Variants in NRXN1 observed in about 807,000 individuals in gnomAD.
NRXN1 encodes neurexin-1.
Under a neutral mutation model 150.9 loss-of-function variants are expected in NRXN1, and 39 were observed. The observed-to-expected ratio is 0.26, with a 90% CI of 0.20 to 0.34. The LOEUF (loss-of-function observed/expected upper bound fraction) is 0.34. NRXN1 is among the 10% of genes least tolerant of loss of function. NRXN1 has a pLI of 1.00. For missense variants in NRXN1, 1,815 were observed against 1,949.9 expected (o/e 0.93, Z 1.30); for synonymous variants, 924 against 757.0 (o/e 1.22, Z -3.62).
At chr2:50,250,309 G>A (rs2152897178) in intron 17 of NRXN1, among the ~76,000 whole-genome samples, 1 of 152,218 alleles carries the variant, frequency 6.6e-6, no homozygotes, top group East Asian at 1.9e-4. Context: ...ATTTAATATG[G>A]CTCTGAAAAG....
intron 17 of NRXN1, among the ~76,000 whole-genome samples, chr2:50,380,603 G>T (rs1321164772): frequency 6.6e-6 from 1 of 152,030 alleles, no homozygotes; most frequent in African/African-American, 2.4e-5. Context: ...AAAATACCTA[G>T]CCACTAGGGA....
intron 5 of NRXN1, among the ~76,000 whole-genome samples, chr2:50,624,319 C>G (rs2104307763): frequency 6.6e-6 from 1 of 152,140 alleles, no homozygotes; most frequent in South Asian, 2.1e-4. Context: ...GAGCTCTGAT[C>G]AGAGAAAGTA....
At chr2:49,967,811 T>A (rs564988518) in intron 21 of NRXN1, among the ~76,000 whole-genome samples, 92 of 152,148 alleles carry the variant, frequency 6.0e-4, no homozygotes, top group African/African-American at 2.2e-3. Context: ...TAGAAAACAC[T>A]TGTTGCAGTG....
intron 21 of NRXN1, among the ~76,000 whole-genome samples, chr2:49,957,067 T>C (rs1316024040): frequency 6.6e-6 from 1 of 152,094 alleles, no homozygotes; most frequent in Admixed American, 6.6e-5. Flanking sequence ...TGAACTTCAA[T>C]GTGTAACAAA....
chr2:50,823,079 C>T (rs1317456008), intron 5 of NRXN1, among the ~76,000 whole-genome samples: 2 of 152,108 alleles, frequency 1.3e-5, no homozygotes, highest in African/African-American at 4.8e-5. Flanking sequence ...ACCTGGGCAC[C>T]ATTACGATTC....
At chr2:50,313,834 G>A (rs900605202) in intron 17 of NRXN1, among the ~76,000 whole-genome samples, 11 of 152,066 alleles carry the variant, frequency 7.2e-5, no homozygotes, top group Admixed American at 5.2e-4. Flanking sequence ...GTGTTTTCAT[G>A]ATTTTACTTG....
chr2:50,879,675 C>A (rs557735350), intron 5 of NRXN1, among the ~76,000 whole-genome samples: 1 of 151,814 alleles, frequency 6.6e-6, no homozygotes, highest in Non-Finnish European at 1.5e-5. Context: ...TTCTCAGTTT[C>A]GCCTGTGGTC....
At chr2:50,746,387 A>G (rs781582481) in intron 5 of NRXN1, among the ~76,000 whole-genome samples, 12 of 151,906 alleles carry the variant, frequency 7.9e-5, no homozygotes, top group Non-Finnish European at 1.3e-4. Context: ...ATGAAACCTC[A>G]TATCTACAAA....
intron 18 of NRXN1, among the ~76,000 whole-genome samples, chr2:50,127,384 A>G (rs1425254937): frequency 1.3e-5 from 2 of 152,190 alleles, no homozygotes; most frequent in African/African-American, 4.8e-5. Context: ...AAAACCTGAT[A>G]AAAAGAATGC....
At chr2:50,919,008 G>C (rs1272897779) in intron 5 of NRXN1, 1 of 109,018 alleles carries the variant, frequency 9.2e-6, no homozygotes, top group Non-Finnish European at 2.5e-5. Flanking sequence ...ACATATCTTT[G>C]TTTAGGAATG....
At chr2:51,027,417 G>A (rs1670679796) in intron 2 of NRXN1, 85 bp downstream of exon 2, 5 of 1,363,774 alleles carry the variant, frequency 3.7e-6, no homozygotes, top group Non-Finnish European at 4.8e-6. Context: ...GCCAAGATTA[G>A]GAAGACCCCA....
At chr2:50,532,157 T>C (rs2105214571) in intron 10 of NRXN1, among the ~76,000 whole-genome samples, 1 of 152,238 alleles carries the variant, frequency 6.6e-6, no homozygotes, top group South Asian at 2.1e-4. Context: ...TGCATGTTTA[T>C]GTATGGTAAG....
intron 5 of NRXN1, among the ~76,000 whole-genome samples, chr2:50,739,088 C>T (rs1405267779): frequency 6.6e-6 from 1 of 152,146 alleles, no homozygotes; most frequent in African/African-American, 2.4e-5. Flanking sequence ...CTAGACTCCA[C>T]ATTTTTGAGT....
Position 50,623,506 on chromosome 2 carries a change from G to C in NRXN1, c.942C>G (p.Thr314=), listed in dbSNP as rs773597105. 1 of 1,613,300 alleles carries C rather than the reference G, an allele frequency of 6.2e-7. No individual in the cohort carries two copies. The highest frequency in any genetic ancestry group is 8.5e-7 in the Non-Finnish European group (1 of 1,179,418). Residue 314 remains threonine (T), a synonymous_variant, in exon 6 of 23, where the codon ACC becomes ACG. Coordinates refer to ENST00000401669, the MANE Select transcript of NRXN1 (RefSeq NM_001330078.2). ...GAAGCATCAGTCCATTCCTCTGAAG[G>C]GTTTTAAATGACAGAGTTATTTCAT... ...SSDEITLSFK[T]LQRNGLMLHT...
At chr2:50,383,948 C>T (rs1195802028) in intron 17 of NRXN1, among the ~76,000 whole-genome samples, 1 of 152,140 alleles carries the variant, frequency 6.6e-6, no homozygotes, top group African/African-American at 2.4e-5. Context: ...GTTCAACTTA[C>T]CCCGTTTATA....
intron 18 of NRXN1, among the ~76,000 whole-genome samples, chr2:50,146,986 C>T (rs1055240904): frequency 1.2e-4 from 18 of 151,696 alleles, no homozygotes; most frequent in African/African-American, 4.1e-4. Context: ...TTAGACCCTA[C>T]ATAAATAATT....
chr2:50,360,137 CCAGTCACTG>C (rs2079086226), intron 17 of NRXN1, among the ~76,000 whole-genome samples: 1 of 152,158 alleles, frequency 6.6e-6, no homozygotes, highest in Non-Finnish European at 1.5e-5. Context: ...AAACCAGTTA[CCAGTCACTG>C]TAATGTGAAA....
intron 9 of NRXN1, among the ~76,000 whole-genome samples, chr2:50,541,652 C>T (rs2093391491): frequency 6.6e-6 from 1 of 151,870 alleles, no homozygotes; most frequent in Admixed American, 6.6e-5. Flanking sequence ...GTCATAGAGA[C>T]CACAATTTTC....
chr2:50,827,760 C>T (rs1670672119), intron 5 of NRXN1, among the ~76,000 whole-genome samples: 2 of 151,466 alleles, frequency 1.3e-5, no homozygotes, highest in South Asian at 4.2e-4. Flanking sequence ...CGGCCTTCCG[C>T]AGTGTTTGTG....
Sources: allele counts gnomAD v4.1 joint callset (sites outside exome capture counted in the v4.1 genomes callset), GRCh38; gene constraint gnomAD v4.1.1; transcripts MANE v1.5; gene names NCBI Gene and HGNC (gene_info 2026-07-23, HGNC 2026-07-21).